ACOXL: variants seen among roughly 807,000 people sequenced by gnomAD.
ACOXL encodes the protein acyl-CoA oxidase like, also known as acyl-coenzyme A oxidase-like protein.
ACOXL carries 70 observed loss-of-function variants against 71.9 expected under a neutral mutation model. The ratio of observed to expected loss-of-function variants is 0.97; its 90% CI spans 0.80 to 1.19. ACOXL has a LOEUF of 1.19. Ranked by LOEUF, ACOXL falls within the 50% of genes most tolerant of loss-of-function variation. ACOXL has a pLI of 0.00. For missense variants in ACOXL, 703 were observed against 736.3 expected (o/e 0.95, Z 0.52); for synonymous variants, 253 against 281.6 (o/e 0.90, Z 1.02).
At chr2:110,955,914 T>C (rs1483126443) in intron 12 of ACOXL, among the ~76,000 whole-genome samples, 1 of 151,572 alleles carries the variant, frequency 6.6e-6, no homozygotes, top group Non-Finnish European at 1.5e-5. Context: ...CATCTTTTCC[T>C]TTCTGGAACT....
chr2:110,906,953 G>T (rs1372356336), intron 10 of ACOXL, among the ~76,000 whole-genome samples: 1 of 152,246 alleles, frequency 6.6e-6, no homozygotes, highest in African/African-American at 2.4e-5. Flanking sequence ...CATAGATAAA[G>T]CTACAGTAGA....
chr2:110,819,420 G>T (rs1389694241), intron 9 of ACOXL, among the ~76,000 whole-genome samples: 1 of 152,180 alleles, frequency 6.6e-6, no homozygotes, highest in East Asian at 1.9e-4. Flanking sequence ...GTCAGGCAGG[G>T]TGGAGGCTCT....
intron 16 of ACOXL, among the ~76,000 whole-genome samples, chr2:111,062,280 C>T (rs2066856742): frequency 6.6e-6 from 1 of 151,744 alleles, no homozygotes; most frequent in Non-Finnish European, 1.5e-5. Flanking sequence ...TAGGGCACTG[C>T]TAAAGGTATG....
At chr2:110,734,392 C>T (rs895812488) in intron 1 of ACOXL, among the ~76,000 whole-genome samples, 34 of 152,040 alleles carry the variant, frequency 2.2e-4, no homozygotes, top group African/African-American at 8.2e-4. Context: ...GTCTCAGCCT[C>T]CGGAGTAGCT....
intron 10 of ACOXL, among the ~76,000 whole-genome samples, chr2:110,901,359 C>T (rs886235651): frequency 6.6e-6 from 1 of 152,168 alleles, no homozygotes; most frequent in Non-Finnish European, 1.5e-5. Context: ...GACACCAGAG[C>T]CACAGACTCT....
intron 10 of ACOXL, among the ~76,000 whole-genome samples, chr2:110,861,978 C>T (rs995918230): frequency 6.6e-6 from 1 of 152,202 alleles, no homozygotes; most frequent in Non-Finnish European, 1.5e-5. Flanking sequence ...TAAAAGGCAC[C>T]TCCACGGGCT....
At chr2:111,116,585 A>T (rs867658410) in intron 17 of ACOXL, among the ~76,000 whole-genome samples, 1 of 152,008 alleles carries the variant, frequency 6.6e-6, no homozygotes, top group African/African-American at 2.4e-5. Context: ...CATGACCACC[A>T]TGTGAGGGCA....
intron 12 of ACOXL, among the ~76,000 whole-genome samples, chr2:110,967,542 G>A (rs2061985672): frequency 6.6e-6 from 1 of 152,182 alleles, no homozygotes; most frequent in Non-Finnish European, 1.5e-5. Context: ...TTCACTCAAA[G>A]TGGTAAAACA....
intron 12 of ACOXL, among the ~76,000 whole-genome samples, chr2:110,970,065 TCTC>T (rs1372076088): frequency 2.0e-5 from 3 of 152,016 alleles, no homozygotes; most frequent in Non-Finnish European, 2.9e-5. Context: ...AATGTTACTC[TCTC>T]CTCTTCTATT....
At chr2:111,031,270 TTAGATTCAAG>T (rs2065251171) in intron 14 of ACOXL, among the ~76,000 whole-genome samples, 1 of 150,798 alleles carries the variant, frequency 6.6e-6, no homozygotes, top group Non-Finnish European at 1.5e-5. Flanking sequence ...ATGTTGAGGA[TTAGATTCAAG>T]TAGTTTGTTC....
At chr2:110,927,432 C>T (rs10204113) in intron 11 of ACOXL, among the ~76,000 whole-genome samples, 132 of 152,324 alleles carry the variant, frequency 8.7e-4, no homozygotes, top group Middle Eastern at 3.4e-3. Context: ...TCTCTGTCCT[C>T]TACTGAGGCC....
chr2:111,038,303 G>A (rs1265958595), intron 15 of ACOXL, among the ~76,000 whole-genome samples: 1 of 152,238 alleles, frequency 6.6e-6, no homozygotes, highest in African/African-American at 2.4e-5. Flanking sequence ...AGGGCTCCCA[G>A]TGCTCGTTGG....
intron 14 of ACOXL, among the ~76,000 whole-genome samples, chr2:111,022,426 C>T (rs2064809194): frequency 6.6e-6 from 1 of 151,158 alleles, no homozygotes; most frequent in Non-Finnish European, 1.5e-5. Flanking sequence ...CCTCCTCACA[C>T]ACACACACAC....
At position 111,028,973 on chromosome 2, in the gene ACOXL, C is replaced by T. The variant is rs555794492; in HGVS notation, c.1282-2654C>T. Among the ~76,000 whole-genome samples the T allele has an allele frequency of 2.6e-5, 4 of 152,318 alleles. No individual in the cohort carries two copies. The East Asian group carries it at 7.7e-4, about 29-fold the overall frequency. On this transcript the variant is annotated intron_variant, in intron 14 of 17. Transcript: ENST00000439055. ...AGGGATGTGGGCTCAGAGGCCTGGGCACCCTGTTCCAACTCAGCTCTGCAA... is the reference window on the plus strand; with the variant it reads ...AGGGATGTGGGCTCAGAGGCCTGGGTACCCTGTTCCAACTCAGCTCTGCAA...
intron 14 of ACOXL, among the ~76,000 whole-genome samples, chr2:111,023,979 A>AC (rs1310422608): frequency 6.6e-6 from 1 of 152,132 alleles, no homozygotes; most frequent in Non-Finnish European, 1.5e-5. Flanking sequence ...AGTGCTGGGC[A>AC]CCCTGGCCTC....
intron 9 of ACOXL, among the ~76,000 whole-genome samples, chr2:110,806,237 T>C (rs1039295089): frequency 3.3e-5 from 5 of 152,238 alleles, no homozygotes; most frequent in East Asian, 3.9e-4. Context: ...CTTCCCCTTA[T>C]GATGCTTCCT....
chr2:110,993,028 C>G (rs966092471), intron 13 of ACOXL, among the ~76,000 whole-genome samples: 4 of 152,218 alleles, frequency 2.6e-5, no homozygotes, highest in African/African-American at 7.2e-5. Context: ...GTGTATGGAA[C>G]TCACCCATCC....
intron 17 of ACOXL, 117 bp from the exon 18 acceptor site, chr2:111,117,499 G>C: frequency 9.2e-7 from 1 of 1,091,598 alleles, no homozygotes; most frequent in Non-Finnish European, 1.4e-6. Context: ...AATCCAAAGG[G>C]AAACTAGTTT....
intron 15 of ACOXL, among the ~76,000 whole-genome samples, chr2:111,048,654 CT>C (rs3838221): frequency 3.2e-4 from 47 of 148,264 alleles, no homozygotes; most frequent in Admixed American, 6.1e-4. Flanking sequence ...ATTACTAAAA[CT>C]TTTTTTTTTT....
Sources: allele counts gnomAD v4.1 joint callset (sites outside exome capture counted in the v4.1 genomes callset), GRCh38; gene constraint gnomAD v4.1.1; transcripts MANE v1.5; gene names NCBI Gene and HGNC (gene_info 2026-07-23, HGNC 2026-07-21).